DNASE1: variants seen among roughly 807,000 people sequenced by gnomAD.
DNASE1 encodes the protein deoxyribonuclease 1.
A neutral mutation model predicts 33.9 loss-of-function variants in DNASE1; 40 were observed. The observed-to-expected ratio is 1.18, with a 90% CI of 0.92 to 1.54. The LOEUF is 1.54. DNASE1 is among the 40% of genes most tolerant of loss of function. The pLI is 0.00. For synonymous variants in DNASE1, 216 were observed against 160.0 expected (o/e 1.35, Z -2.64); for missense variants, 518 against 372.6 (o/e 1.39, Z -3.21).
downstream of DNASE1, chr16:3,658,514 C>G: frequency 1.8e-6 from 1 of 569,784 alleles, no homozygotes; most frequent in Non-Finnish European, 3.1e-6. Context: ...AAAACCCCAT[C>G]TCTACTAAAA....
Position 3,663,554 on chromosome 16 carries a change from G to A in DNASE1, c.*5601G>A, listed in dbSNP as rs778652171. On this transcript the variant is annotated 3_prime_UTR_variant, in exon 10 of 10. Coordinates refer to the DNASE1 transcript ENST00000407479. ...TGAGCTCATCAAACTGCTCAAAGCA[G>A]AAGAGAACCTGCAGGTGGCCAAGAG... The A allele has an allele frequency of 6.8e-6, 11 of 1,613,808 alleles. No homozygotes were observed. In the South Asian group the frequency reaches 1.1e-4, roughly 16 times the overall value.
In DNASE1 at chr16:3,656,150, G is replaced by C. The variant is rs1210129793; in HGVS notation, c.285G>C (p.Arg95=). The change falls in exon 4 of 9, where the codon CGG becomes CGC. Residue 95 remains arginine (R), a synonymous_variant. Transcript: ENST00000246949. ...ACGTGGTCAGTGAGCCACTGGGACGGAACAGCTATAAGGAGCGCTACCTGT... is the reference window on the plus strand; with the variant it reads ...ACGTGGTCAGTGAGCCACTGGGACGCAACAGCTATAAGGAGCGCTACCTGT... The part of the protein sequence containing the change: ...YHYVVSEPLG[R]NSYKERYLFV... 3 of 1,614,002 alleles carry C rather than the reference G, an allele frequency of 1.9e-6. No homozygotes were observed. The highest frequency in any genetic ancestry group is 2.5e-6 in the Non-Finnish European group (3 of 1,180,024).
chr16:3,622,213 G>GA (rs56171298), intron 1 of DNASE1, among the ~76,000 whole-genome samples: 4,598 of 67,722 alleles, frequency 0.068, 136 homozygotes, highest in East Asian at 0.18. Context: ...GAGCAAGACT[G>GA]AAAAAAAAAA....
chr16:3,662,265 G>C (rs374186940), downstream of DNASE1: 1 of 1,074,398 alleles, frequency 9.3e-7, no homozygotes, highest in African/African-American at 1.6e-5. Flanking sequence ...CTGGACCAGC[G>C]CTGCTCCCTC....
chr16:3,645,527 C>G (rs1401410939), intron 1 of DNASE1, among the ~76,000 whole-genome samples: 1 of 152,232 alleles, frequency 6.6e-6, no homozygotes, highest in East Asian at 1.9e-4. Context: ...TCATTTGCAT[C>G]TCTCCTCAAA....
At chr16:3,612,601 A>C (rs916746642) in intron 1 of DNASE1, among the ~76,000 whole-genome samples, 6 of 49,272 alleles carry the variant, frequency 1.2e-4, no homozygotes, top group Admixed American at 2.8e-4. Flanking sequence ...CGGGGGGGGG[A>C]GTCTCACTAT....
intron 1 of DNASE1, among the ~76,000 whole-genome samples, chr16:3,620,876 C>G (rs918291380): frequency 3.3e-5 from 5 of 152,082 alleles, no homozygotes; most frequent in African/African-American, 1.2e-4. Context: ...TGCCGGCTCA[C>G]TGCAACCTCC....
At chr16:3,652,320 AC>A, upstream of DNASE1, 1 of 152,372 alleles carries the variant, frequency 6.6e-6, no homozygotes, top group Non-Finnish European at 1.5e-5. Flanking sequence ...CGGAAGCTGC[AC>A]CAGGCAGTTT....
upstream of DNASE1, chr16:3,651,278 G>C (rs1364617389): frequency 6.6e-6 from 1 of 152,194 alleles, no homozygotes; most frequent in Non-Finnish European, 1.5e-5. Flanking sequence ...CAATATAATT[G>C]TTGTTATGTG....
chr16:3,619,649 C>CT (rs2041236400), intron 1 of DNASE1, among the ~76,000 whole-genome samples: 1 of 152,076 alleles, frequency 6.6e-6, no homozygotes, highest in African/African-American at 2.4e-5. Flanking sequence ...GCATGAGCCA[C>CT]TGTGCCTGGC....
At chr16:3,664,284 T>C (rs1476391501) in exon 10 of DNASE1, 5 of 1,594,638 alleles carry the variant, frequency 3.1e-6, no homozygotes, top group Admixed American at 1.8e-5. Flanking sequence ...CTCTGTGTCT[T>C]TCTTCTTCAT....
chr16:3,643,414 C>G (rs2042078248), intron 1 of DNASE1, among the ~76,000 whole-genome samples: 1 of 152,330 alleles, frequency 6.6e-6, no homozygotes, highest in East Asian at 1.9e-4. Flanking sequence ...AGAAATATCC[C>G]AGGCTCTCAT....
chr16:3,655,478 G>T lies in DNASE1; in HGVS notation c.105G>T (p.Glu35Asp), dbSNP rs34907394. Residue 35 changes from glutamate to aspartate, a missense_variant, in exon 2 of 9, where the codon GAG becomes GAT. Transcript: ENST00000246949. The stretch of plus-strand genomic sequence containing the variant: ...CCTTCAACATCCAGACATTTGGGGA[G>T]ACCAAGATGTCCAATGCCACCCTCG... ...IAAFNIQTFG[E>D]TKMSNATLVS... is the part of the protein sequence containing the mutation. 8.1e-6 allele frequency: 13 copies of T among 1,614,164 alleles called. No individual in the cohort carries two copies. The highest frequency in any genetic ancestry group is 1.1e-5 in the South Asian group (1 of 91,084).
chr16:3,645,676 G>T (rs920122212), intron 1 of DNASE1, among the ~76,000 whole-genome samples: 1 of 152,250 alleles, frequency 6.6e-6, no homozygotes, highest in Non-Finnish European at 1.5e-5. Flanking sequence ...ATAGCAGGCC[G>T]GGTTGGGGAA....
downstream of DNASE1, chr16:3,659,749 TTAGATAGATAGATAGATAGA>T (rs3068078): frequency 5.7e-5 from 8 of 140,244 alleles, no homozygotes; most frequent in East Asian, 4.2e-4. Flanking sequence ...ACTTTTTTTT[TTAGATAGATAGATAGATAGA>T]TAGATAGATA....
chr16:3,657,808 G>T lies in DNASE1; in HGVS notation c.793G>T (p.Asp265Tyr), dbSNP rs762211502. ...FNFQAAYGLS[D>Y]QLAQAISDHY... ...CTTCCAGGCTGCCTATGGCCTGAGT[G>T]ACCAACTGGTATGTGTCCTCCCTTG... is the stretch of plus-strand genomic sequence containing the variant. Residue 265 changes from aspartate (D) to tyrosine (Y), a missense_variant, in exon 8 of 9, where the codon GAC becomes TAC. Physicochemically the swap from Asp to Tyr is radical, Grantham distance 160. Transcript: ENST00000246949. 2 of 1,613,726 alleles carry T rather than the reference G, an allele frequency of 1.2e-6. No homozygotes were observed. Among genetic ancestry groups the T allele is most frequent in the Non-Finnish European group, 1.7e-6 (2 of 1,179,910 alleles).
intron 1 of DNASE1, among the ~76,000 whole-genome samples, chr16:3,631,354 C>T (rs751431860): frequency 6.6e-6 from 1 of 151,570 alleles, no homozygotes; most frequent in Admixed American, 6.6e-5. Context: ...ACAAGTGCCC[C>T]CCACCACACC....
intron 4 of DNASE1, 75 bp downstream of exon 4, chr16:3,656,260 C>T: frequency 1.3e-6 from 2 of 1,496,850 alleles, no homozygotes; most frequent in Non-Finnish European, 1.9e-6. Context: ...GTAGTTTGTC[C>T]TATTAGTTTG....
At chr16:3,614,638 A>G (rs1402102034) in intron 1 of DNASE1, among the ~76,000 whole-genome samples, 2 of 152,116 alleles carry the variant, frequency 1.3e-5, no homozygotes, top group Non-Finnish European at 2.9e-5. Flanking sequence ...TTGGTGTGTG[A>G]GAGTTAGATA....
Sources: allele counts gnomAD v4.1 joint callset (sites outside exome capture counted in the v4.1 genomes callset), GRCh38; gene constraint gnomAD v4.1.1; transcripts MANE v1.5; gene names NCBI Gene and HGNC (gene_info 2026-07-23, HGNC 2026-07-21).